Variants in NAA11 observed in about 807,000 individuals in gnomAD.
The protein encoded by NAA11 is N-alpha-acetyltransferase 11.
Under a neutral mutation model 16.1 loss-of-function variants are expected in NAA11, and 15 were observed. The ratio of observed to expected loss-of-function variants is 0.93; its 90% CI spans 0.62 to 1.44. NAA11 has a LOEUF of 1.44. Ranked by LOEUF, NAA11 falls within the 40% of genes most tolerant of loss-of-function variation. The pLI is 0.00. For missense variants in NAA11, 298 were observed against 291.3 expected, an observed-to-expected ratio of 1.02 and a Z score of -0.17; for synonymous variants, 122 against 112.4, an observed-to-expected ratio of 1.09 and a Z score of -0.54.
At chr4:79,307,130 A>G (rs1198735472) in intron 1 of NAA11, 5 of 152,220 alleles carry the variant, frequency 3.3e-5, no homozygotes, top group Admixed American at 3.3e-4. Context: ...CGGTCACAGT[A>G]TTTATCTATA....
intron 2 of NAA11, among the ~76,000 whole-genome samples, chr4:79,236,551 A>G (rs1225167915): frequency 6.6e-6 from 1 of 152,140 alleles, no homozygotes; most frequent in Non-Finnish European, 1.5e-5. Flanking sequence ...TTATACCTCA[A>G]TTGGAATGCT....
At chr4:79,156,987 T>A in the NAA11 span, among the ~76,000 whole-genome samples, 9 of 152,228 alleles carry the variant, frequency 5.9e-5, no homozygotes, top group African/African-American at 1.4e-4. Context: ...TTTCAGAATG[T>A]CTAGTGCACA....
At chr4:79,162,833 T>A in the NAA11 span, among the ~76,000 whole-genome samples, 7 of 152,150 alleles carry the variant, frequency 4.6e-5, no homozygotes, top group Non-Finnish European at 1.5e-5. Context: ...TCCATTAAGC[T>A]TTTCCTAAAG....
intron 2 of NAA11, among the ~76,000 whole-genome samples, chr4:79,234,744 A>G (rs1365082947): frequency 2.0e-5 from 3 of 152,088 alleles, no homozygotes; most frequent in Non-Finnish European, 4.4e-5. Flanking sequence ...TTCAAATCTC[A>G]GTGCTAGGAA....
chr4:79,231,897 CATACACACATATATGTAT>C (rs1242648270), intron 2 of NAA11, among the ~76,000 whole-genome samples: 3 of 151,306 alleles, frequency 2.0e-5, no homozygotes, highest in Non-Finnish European at 4.4e-5. Context: ...TATATATATG[CATACACACATATATGTAT>C]ATACACATAT....
the NAA11 span, among the ~76,000 whole-genome samples, chr4:79,173,142 AT>A: frequency 6.6e-6 from 1 of 152,188 alleles, no homozygotes; most frequent in Non-Finnish European, 1.5e-5. Context: ...AGAAGACAGA[AT>A]GCTTACTGTA....
chr4:79,286,179 C>T (rs567487613), intron 2 of NAA11, among the ~76,000 whole-genome samples: 4 of 152,110 alleles, frequency 2.6e-5, no homozygotes, highest in Admixed American at 6.5e-5. Context: ...GAGAATTCTA[C>T]GAACCCACAA....
chr4:79,289,639 A>C (rs1472737388), intron 2 of NAA11, among the ~76,000 whole-genome samples: 3 of 152,196 alleles, frequency 2.0e-5, no homozygotes, highest in Non-Finnish European at 4.4e-5. Flanking sequence ...GTTGGTGGGA[A>C]GCTGGGATTT....
chr4:79,196,610 A>C, the NAA11 span, among the ~76,000 whole-genome samples: 1 of 151,958 alleles, frequency 6.6e-6, no homozygotes, highest in Non-Finnish European at 1.5e-5. Context: ...TCATTAGAAT[A>C]TGTTGTAGCC....
chr4:79,173,482 C>G, the NAA11 span, among the ~76,000 whole-genome samples: 1 of 151,718 alleles, frequency 6.6e-6, no homozygotes, highest in East Asian at 1.9e-4. Context: ...TAGAACAGTA[C>G]CTGGTATATA....
the NAA11 span, among the ~76,000 whole-genome samples, chr4:79,201,497 G>A: frequency 6.6e-6 from 1 of 151,482 alleles, no homozygotes; most frequent in East Asian, 1.9e-4. Context: ...TCCGATCTTT[G>A]CCAGTTTATG....
chr4:79,187,956 G>A, the NAA11 span, among the ~76,000 whole-genome samples: 91 of 136,708 alleles, frequency 6.7e-4, no homozygotes, highest in Non-Finnish European at 1.1e-3. Context: ...CCGAGATCGC[G>A]CCACTGCACT....
the NAA11 span, among the ~76,000 whole-genome samples, chr4:79,181,934 A>C: frequency 2.6e-5 from 4 of 152,212 alleles, no homozygotes; most frequent in African/African-American, 9.7e-5. Flanking sequence ...AAGCATCTGA[A>C]TGGAAATACT....
the NAA11 span, among the ~76,000 whole-genome samples, chr4:79,199,852 A>G: frequency 2.4e-4 from 36 of 152,014 alleles, no homozygotes; most frequent in African/African-American, 8.4e-4. Context: ...AAATCATTAT[A>G]ATTGAATTTC....
At chr4:79,160,239 G>A in the NAA11 span, among the ~76,000 whole-genome samples, 1 of 152,088 alleles carries the variant, frequency 6.6e-6, no homozygotes, top group East Asian at 1.9e-4. Context: ...TGATCCAGCC[G>A]CCTCGGCCTC....
the NAA11 span, among the ~76,000 whole-genome samples, chr4:79,187,957 C>CCACT: frequency 2.1e-5 from 3 of 145,468 alleles, no homozygotes; most frequent in African/African-American, 7.7e-5. Context: ...CGAGATCGCG[C>CCACT]CACTGCACTC....
At chr4:79,283,156 G>C (rs1722834154) in intron 2 of NAA11, among the ~76,000 whole-genome samples, 1 of 152,072 alleles carries the variant, frequency 6.6e-6, no homozygotes, top group Non-Finnish European at 1.5e-5. Context: ...ACAGGAATTA[G>C]TTGAGGAGAA....
At chr4:79,323,226 C>G (rs1017109115) in intron 1 of NAA11, among the ~76,000 whole-genome samples, 3 of 152,136 alleles carry the variant, frequency 2.0e-5, no homozygotes, top group Non-Finnish European at 4.4e-5. Flanking sequence ...GATGTTAAAG[C>G]CTGTAAACTG....
the NAA11 span, among the ~76,000 whole-genome samples, chr4:79,169,194 A>G: frequency 2.9e-4 from 44 of 152,356 alleles, no homozygotes; most frequent in African/African-American, 1.0e-3. Context: ...AGTAATTTAT[A>G]GATTCAATGC....
Sources: allele counts gnomAD v4.1 joint callset (sites outside exome capture counted in the v4.1 genomes callset), GRCh38; gene constraint gnomAD v4.1.1; transcripts MANE v1.5; gene names NCBI Gene and HGNC (gene_info 2026-07-23, HGNC 2026-07-21).